The following CCDC50 variants were observed in gnomAD, a reference collection of about 807,000 sequenced individuals.
CCDC50 encodes the protein coiled-coil domain containing 50.
CCDC50 carries 54 observed loss-of-function variants against 70.2 expected under a neutral mutation model. The ratio of observed to expected loss-of-function variants is 0.77; its 90% CI spans 0.62 to 0.96. CCDC50 has a LOEUF of 0.96. CCDC50 is among the 50% of genes least tolerant of loss of function. The pLI is 0.00. For missense variants in CCDC50, 558 were observed against 578.7 expected (o/e 0.96, Z 0.37); for synonymous variants, 216 against 198.8 (o/e 1.09, Z -0.73).
chr3:191,355,262 A>G (rs148454831), intron 1 of CCDC50, among the ~76,000 whole-genome samples: 1 of 152,332 alleles, frequency 6.6e-6, no homozygotes, highest in Non-Finnish European at 1.5e-5. Context: ...GTTTTAAATG[A>G]TAGGTCAATA....
At chr3:191,387,853 TAAAAG>T (rs1164679141) in intron 10 of CCDC50, among the ~76,000 whole-genome samples, 1 of 152,140 alleles carries the variant, frequency 6.6e-6, no homozygotes, top group Non-Finnish European at 1.5e-5. Context: ...ATGACATTAA[TAAAAG>T]AGAGAAGAAC....
intron 6 of CCDC50, among the ~76,000 whole-genome samples, chr3:191,376,022 AT>A (rs35023104): frequency 0.095 from 14,397 of 152,202 alleles, 744 homozygotes; most frequent in East Asian, 0.21. Context: ...GAAATACTGT[AT>A]TTTTTAGACC....
At chr3:191,357,019 A>AG (rs1712308482) in intron 1 of CCDC50, 69 bp from the exon 2 acceptor site, 2 of 989,976 alleles carry the variant, frequency 2.0e-6, no homozygotes. Context: ...AAAAAAAAAA[A>AG]TCCTTTCCTT....
chr3:191,383,462 A>C (rs1202127809), intron 10 of CCDC50, among the ~76,000 whole-genome samples: 5 of 151,996 alleles, frequency 3.3e-5, no homozygotes, highest in East Asian at 1.9e-4. Context: ...GAAAGAAAAC[A>C]TGATTGGAAT....
intron 1 of CCDC50, among the ~76,000 whole-genome samples, chr3:191,353,537 A>AC (rs1395131448): frequency 7.1e-6 from 1 of 141,366 alleles, no homozygotes; most frequent in Non-Finnish European, 1.6e-5. Flanking sequence ...GAAAAGGAGA[A>AC]AAGTTCTCTT....
chr3:191,390,644 C>G (rs979169802), intron 11 of CCDC50, among the ~76,000 whole-genome samples: 1 of 152,098 alleles, frequency 6.6e-6, no homozygotes, highest in African/African-American at 2.4e-5. Flanking sequence ...TTTTAGCATG[C>G]TAATGCATTA....
chr3:191,338,783 G>A (rs575940232), intron 1 of CCDC50, among the ~76,000 whole-genome samples: 6 of 152,084 alleles, frequency 3.9e-5, no homozygotes, highest in Non-Finnish European at 5.9e-5. Context: ...AAGTTGATTG[G>A]TGTTGTGATT....
intron 1 of CCDC50, among the ~76,000 whole-genome samples, chr3:191,339,356 A>C (rs1201075484): frequency 6.6e-6 from 1 of 152,222 alleles, no homozygotes; most frequent in Non-Finnish European, 1.5e-5. Flanking sequence ...GAGTTATGAT[A>C]TAAAATTTTC....
chr3:191,368,263 A>T (rs1186628474), intron 4 of CCDC50, among the ~76,000 whole-genome samples: 1 of 151,820 alleles, frequency 6.6e-6, no homozygotes, highest in African/African-American at 2.4e-5. Flanking sequence ...TATTCATGAA[A>T]AGTATACTTA....
intron 1 of CCDC50, among the ~76,000 whole-genome samples, chr3:191,347,012 T>TG (rs1431436698): frequency 7.7e-6 from 1 of 129,540 alleles, no homozygotes; most frequent in East Asian, 1.9e-4. Context: ...TTGATACTCT[T>TG]GACAGTTTGG....
chr3:191,343,476 TTA>T (rs919684699), intron 1 of CCDC50, among the ~76,000 whole-genome samples: 36 of 152,350 alleles, frequency 2.4e-4, no homozygotes, highest in African/African-American at 6.7e-4. Flanking sequence ...AGTTATCTCT[TTA>T]TGTTTAATTA....
At chr3:191,340,301 T>G (rs79029853) in intron 1 of CCDC50, among the ~76,000 whole-genome samples, 3,908 of 152,330 alleles carry the variant, frequency 0.026, 149 homozygotes, top group African/African-American at 0.089. Flanking sequence ...TGCTTGCGCC[T>G]TATATACTAT....
Position 191,395,640 on chromosome 3 carries a change from T to A in CCDC50, c.*3880T>A, listed in dbSNP as rs1386454029. 2.0e-5 allele frequency: 3 copies of A among 152,174 alleles called. No homozygotes were observed. The highest frequency in any genetic ancestry group is 2.9e-5 in the Non-Finnish European group (2 of 68,012). The allele number at this position is 152,174 out of a possible 1,614,324, so 9.4% of individuals were successfully genotyped here. On this transcript the variant is annotated 3_prime_UTR_variant, in exon 12 of 12. Coordinates refer to ENST00000392455, the MANE Select transcript of CCDC50 (RefSeq NM_178335.3). Reference sequence around the variant, plus strand: ...ATAGAACTTGCAGCCAAAGGCTTTTTCCCTTTTGAGAAGACGGTATTTGTG... The same window carrying A: ...ATAGAACTTGCAGCCAAAGGCTTTTACCCTTTTGAGAAGACGGTATTTGTG...
At chr3:191,376,739 C>G (rs546089452) in intron 6 of CCDC50, among the ~76,000 whole-genome samples, 8 of 152,200 alleles carry the variant, frequency 5.3e-5, no homozygotes, top group African/African-American at 1.9e-4. Flanking sequence ...CAAACTAGAT[C>G]CACTTTGTTA....
Position 191,346,779 on chromosome 3 carries a change from G to C in CCDC50, c.50-10309G>C, listed in dbSNP as rs182347271. ...TGTTTTAAAATAAAGGGAGTTTCCGGTGGCTGAAACATTTAAAAGGAGTCC... is the reference window on the plus strand; with the variant it reads ...TGTTTTAAAATAAAGGGAGTTTCCGCTGGCTGAAACATTTAAAAGGAGTCC... On this transcript the variant is annotated intron_variant, in intron 1 of 11. Transcript: ENST00000392455. Among the ~76,000 whole-genome samples the C allele has an allele frequency of 1.1e-3, 175 of 152,306 alleles. 1 individual carries two copies. Among genetic ancestry groups the C allele is most frequent in the African/African-American group, 4.1e-3 (170 of 41,562 alleles).
At position 191,393,872 on chromosome 3, in the gene CCDC50, G is replaced by GT. The variant is rs1261557130; in HGVS notation, c.*2112_*2113insT. 6.6e-6 allele frequency: 1 copy of GT among 151,892 alleles called. No individual in the cohort carries two copies. Among genetic ancestry groups the GT allele is most frequent in the Admixed American group, 6.5e-5 (1 of 15,272 alleles). The allele number at this position is 151,892 out of a possible 1,614,324, so 9.4% of individuals were successfully genotyped here. ...AAAGTTTTTTTATTGTAATTTTAAA[G>GT]GAAAAAAACAATGTATTTTTATTTG... On this transcript the variant is annotated 3_prime_UTR_variant, in exon 12 of 12. Transcript: ENST00000392455.
Position 191,385,384 on chromosome 3 carries a change from G to A in CCDC50, c.1322+2559G>A, listed in dbSNP as rs78104902. Among the ~76,000 whole-genome samples the A allele has an allele frequency of 6.9e-3, 1,056 of 152,142 alleles. 5 individuals are homozygous for A. Among genetic ancestry groups the A allele is most frequent in the Non-Finnish European group, 0.011 (779 of 67,958 alleles). On this transcript the variant is annotated intron_variant, in intron 10 of 11. Transcript: ENST00000392455. The stretch of plus-strand genomic sequence containing the variant: ...TTGTTGTCAGATAGTATCTCATTGT[G>A]GTTTTGATTTGCGTCTCTGATAATT...
chr3:191,352,935 A>G (rs1365406639), intron 1 of CCDC50, among the ~76,000 whole-genome samples: 1 of 132,910 alleles, frequency 7.5e-6, no homozygotes, highest in Admixed American at 7.8e-5. Context: ...CCTTTCTCCT[A>G]CTCTTGTTTG....
Position 191,382,171 on chromosome 3 carries a change from C to T in CCDC50, c.1243-575C>T, listed in dbSNP as rs541573714. On this transcript the variant is annotated intron_variant, in intron 9 of 11. Coordinates refer to ENST00000392455, the MANE Select transcript of CCDC50 (RefSeq NM_178335.3). ...AAGTATTTAAGGATTAGGAATCAAG[C>T]GTGTCAGAAGGCAATGGCCACATCT... Among the ~76,000 whole-genome samples, 3 of 152,194 alleles carry T rather than the reference C, an allele frequency of 2.0e-5. 1 individual carries two copies. The highest frequency in any genetic ancestry group is 1.3e-4 in the Admixed American group (2 of 15,284).
Sources: allele counts gnomAD v4.1 joint callset (sites outside exome capture counted in the v4.1 genomes callset), GRCh38; gene constraint gnomAD v4.1.1; transcripts MANE v1.5; gene names NCBI Gene and HGNC (gene_info 2026-07-23, HGNC 2026-07-21).